The following GUCY2F variants were observed in gnomAD, a reference collection of about 807,000 sequenced individuals.
The protein encoded by GUCY2F is guanylate cyclase 2F, retinal.
Under a neutral mutation model 73.1 loss-of-function variants are expected in GUCY2F, and 61 were observed. The ratio of observed to expected loss-of-function variants is 0.83; its 90% CI spans 0.68 to 1.03. The LOEUF is 1.03. Among genes scored for constraint, GUCY2F ranks in the 50% least tolerant of loss-of-function variants. The pLI is 0.00. For synonymous variants in GUCY2F, 331 were observed against 307.8 expected, an observed-to-expected ratio of 1.08 and a Z score of -0.79; for missense variants, 912 against 854.3, an observed-to-expected ratio of 1.07 and a Z score of -0.84.
intron 6 of GUCY2F, among the ~76,000 whole-genome samples, chrX:109,442,301 C>T (rs1489498369): frequency 9.0e-6 from 1 of 111,223 alleles, no homozygotes; most frequent in Non-Finnish European, 1.9e-5. Flanking sequence ...TTCTCCATAC[C>T]TCCAAATGTG....
At chrX:109,448,283 G>A (rs1032615628) in intron 5 of GUCY2F, 118 bp from the exon 6 acceptor site, 8 of 392,443 alleles carry the variant, frequency 2.0e-5, no homozygotes, top group African/African-American at 1.0e-4. Context: ...TAATTGGGAG[G>A]ATAATCACAC....
rs1466058793 is a variant in GUCY2F at position 109,392,950 on chromosome X, C to T, written c.2530G>A (p.Glu844Lys). 9 of 1,177,049 alleles carry T rather than the reference C, an allele frequency of 7.6e-6. No homozygotes were observed. The highest frequency in any genetic ancestry group is 9.3e-6 in the Non-Finnish European group (8 of 864,354). ...TTCTGTTTTTCAATTTCCAGCTCTT[C>T]AGTCCGCTCCCGAATCAAATCTTCC... ...NLEDLIRERT[E>K]ELEIEKQKTE... The change falls in exon 13 of 20, where the codon GAA becomes AAA. Residue 844 changes from glutamate (E) to lysine (K), a missense_variant. Transcript: ENST00000218006.
chrX:109,452,656 A>AT (rs1355426805), intron 4 of GUCY2F, among the ~76,000 whole-genome samples: 1 of 112,041 alleles, frequency 8.9e-6, no homozygotes, highest in African/African-American at 3.2e-5. Flanking sequence ...GATTAGTAAG[A>AT]TTTTTTAGGG....
intron 8 of GUCY2F, among the ~76,000 whole-genome samples, chrX:109,428,842 A>T (rs765857314): frequency 5.4e-5 from 6 of 112,105 alleles, no homozygotes; most frequent in Non-Finnish European, 1.1e-4. Flanking sequence ...AATGTACACA[A>T]TTGCTGAATC....
chrX:109,448,529 CA>C (rs1271886681), intron 5 of GUCY2F, among the ~76,000 whole-genome samples: 2 of 112,255 alleles, frequency 1.8e-5, no homozygotes, highest in Non-Finnish European at 3.8e-5. Context: ...CACCCTTTCT[CA>C]TATGCCATAG....
At chrX:109,383,365 C>T in intron 16 of GUCY2F, 1 of 670,903 alleles carries the variant, frequency 1.5e-6, no homozygotes, top group Middle Eastern at 8.7e-4. Context: ...TCATACCAAC[C>T]ACCATCCACT....
rs1047804874 is a variant in GUCY2F, at chrX:109,385,205, G to A, written c.3034C>T (p.Arg1012Trp). The A allele has an allele frequency of 2.7e-5, 32 of 1,173,912 alleles. No homozygotes were observed. The Middle Eastern group carries it at 7.1e-4, about 26-fold the overall frequency. Residue 1012 changes from arginine to tryptophan, a missense_variant, in exon 16 of 20, where the codon CGG becomes TGG. Coordinates refer to ENST00000218006, the MANE Select transcript of GUCY2F (RefSeq NM_001522.3). The part of the protein sequence containing the change: ...LFGDTVNTAS[R>W]MESTGLPYRI... The stretch of plus-strand genomic sequence containing the variant: ...TCACGTAAGCCTGTAGATTCCATCC[G>A]AGAAGCTGTGTTCACAGTGTCTCCA...
At chrX:109,407,620 G>A (rs199663887) in intron 9 of GUCY2F, among the ~76,000 whole-genome samples, 1 of 112,916 alleles carries the variant, frequency 8.9e-6, no homozygotes, top group East Asian at 2.8e-4. Flanking sequence ...GGAGGAAAAC[G>A]TGGTTTCATG....
At chrX:109,463,372 G>A (rs1487629273) in intron 3 of GUCY2F, among the ~76,000 whole-genome samples, 3 of 109,774 alleles carry the variant, frequency 2.7e-5, no homozygotes, top group Non-Finnish European at 3.8e-5. Flanking sequence ...GGACACAATC[G>A]TGACAAACAA....
chrX:109,376,146 A>T lies in GUCY2F; in HGVS notation c.3172T>A (p.Phe1058Ile). ...ELKGKGTEETFWLIGKKGFMK... is the reference protein window; with the variant it reads ...ELKGKGTEETIWLIGKKGFMK... ...AAGCCTTTTTTCCCAATCAGCCAGAAGGTTTCCTCTGTGCCTTTGCCCTTA... is the reference window on the plus strand; with the variant it reads ...AAGCCTTTTTTCCCAATCAGCCAGATGGTTTCCTCTGTGCCTTTGCCCTTA... The change falls in exon 18 of 20, where the codon TTC (phenylalanine) becomes ATC (isoleucine). Residue 1058 changes from phenylalanine (F) to isoleucine (I), a missense_variant. Phe to Ile is a conservative substitution (Grantham distance 21, BLOSUM62 0). Transcript: ENST00000218006. 2 of 1,196,949 alleles carry T rather than the reference A, an allele frequency of 1.7e-6. No homozygotes were observed. The highest frequency in any genetic ancestry group is 2.3e-6 in the Non-Finnish European group (2 of 881,841).
In GUCY2F at chrX:109,409,062, T is replaced by G. The variant is rs1163999030; in HGVS notation, c.1898A>C (p.Asp633Ala). The change falls in exon 9 of 20, where the codon GAC becomes GCC. Residue 633 changes from aspartate (D) to alanine (A), a missense_variant. Asp to Ala is a moderately radical substitution (Grantham distance 126, BLOSUM62 -2). Coordinates refer to ENST00000218006, the MANE Select transcript of GUCY2F (RefSeq NM_001522.3). Reference sequence around the variant, plus strand: ...TTTCACATCTTGATTTGTCAGTATGTCTTCTAGGCTCCCTCGGGAACAGAA... The same window carrying G: ...TTTCACATCTTGATTTGTCAGTATGGCTTCTAGGCTCCCTCGGGAACAGAA... ...TEFCSRGSLE[D>A]ILTNQDVKLD... The G allele has an allele frequency of 9.1e-7, 1 of 1,101,240 alleles. No homozygotes were observed. The highest frequency in any genetic ancestry group is 1.3e-6 in the Non-Finnish European group (1 of 794,503). The allele number at this position is 1,101,240 out of a possible 1,213,427, so 90.8% of individuals were successfully genotyped here. A position where few individuals can be genotyped will look rare whatever the true frequency, so the allele number is the denominator to read the frequency against.
At chrX:109,465,634 C>T (rs1311704844) in intron 2 of GUCY2F, among the ~76,000 whole-genome samples, 191 bp from the exon 3 acceptor site, 1 of 111,828 alleles carries the variant, frequency 8.9e-6, no homozygotes, top group East Asian at 2.8e-4. Context: ...GGGATAGTGA[C>T]AAGAGAGAGA....
At position 109,452,071 on chromosome X, in the gene GUCY2F, G is replaced by A; in HGVS notation, c.1424C>T (p.Thr475Ile). Residue 475 changes from threonine (T) to isoleucine (I), a missense_variant, in exon 5 of 20, where the codon ACT becomes ATT. Coordinates refer to ENST00000218006, the MANE Select transcript of GUCY2F (RefSeq NM_001522.3). Reference protein sequence around the residue: ...DPAFAMMVCLTLLIALLSING... With the variant: ...DPAFAMMVCLILLIALLSING... ...AATAGACAGCAGGGCTATAAGCAAA[G>A]TAAGGCAGACCATCATGGCAAAGGC... 8.8e-7 allele frequency: 1 copy of A among 1,135,558 alleles called. No individual in the cohort carries two copies. The highest frequency in any genetic ancestry group is 1.8e-5 in the South Asian group (1 of 55,367). 93.6% of individuals were successfully genotyped at this position (1,135,558 alleles called of 1,213,427 possible). A position where few individuals can be genotyped will look rare whatever the true frequency, so the allele number is the denominator to read the frequency against.
intron 10 of GUCY2F, among the ~76,000 whole-genome samples, chrX:109,403,182 C>T (rs1440738389): frequency 1.8e-5 from 2 of 110,306 alleles, no homozygotes; most frequent in African/African-American, 6.6e-5. Flanking sequence ...TTTCTTTTTC[C>T]TCTTTCTCCC....
At chrX:109,398,833 C>T (rs1000658610) in intron 10 of GUCY2F, 135 bp from the exon 11 acceptor site, 13 of 517,808 alleles carry the variant, frequency 2.5e-5, no homozygotes, top group Admixed American at 7.6e-5. Flanking sequence ...GCTAGTGCCC[C>T]CCATCCCCCA....
At chrX:109,381,413 T>G (rs969160193) in intron 17 of GUCY2F, among the ~76,000 whole-genome samples, 9 of 112,000 alleles carry the variant, frequency 8.0e-5, no homozygotes, top group Admixed American at 3.8e-4. Context: ...GGTTTTCATC[T>G]GAAAATGAGG....
intron 4 of GUCY2F, among the ~76,000 whole-genome samples, chrX:109,452,900 A>G (rs1932165027): frequency 8.9e-6 from 1 of 111,814 alleles, no homozygotes; most frequent in African/African-American, 3.3e-5. Context: ...TATTTACTGG[A>G]TACCTACTGT....
intron 7 of GUCY2F, among the ~76,000 whole-genome samples, chrX:109,437,671 G>A (rs140792284): frequency 8.9e-6 from 1 of 112,975 alleles, no homozygotes. Flanking sequence ...AACTGAATCA[G>A]AATTGCTGAG....
intron 6 of GUCY2F, among the ~76,000 whole-genome samples, chrX:109,446,828 G>A (rs1025906461): frequency 8.9e-6 from 1 of 111,854 alleles, no homozygotes; most frequent in African/African-American, 3.3e-5. Context: ...TACCATCAGA[G>A]TGAACAGGCA....
Sources: allele counts gnomAD v4.1 joint callset (sites outside exome capture counted in the v4.1 genomes callset), GRCh38; gene constraint gnomAD v4.1.1; transcripts MANE v1.5; gene names NCBI Gene and HGNC (gene_info 2026-07-23, HGNC 2026-07-21).